The following RAP1A variants were observed in gnomAD, a reference collection of about 807,000 sequenced individuals.
RAP1A encodes the protein RAP1A, member of RAS oncogene family.
Under a neutral mutation model 26.4 loss-of-function variants are expected in RAP1A, and 6 were observed. The ratio of observed to expected loss-of-function variants is 0.23; its 90% CI spans 0.12 to 0.45. The LOEUF (loss-of-function observed/expected upper bound fraction) is 0.45. Ranked by LOEUF, RAP1A falls within the 20% of genes least tolerant of loss-of-function variation. The pLI is 0.99. For missense variants in RAP1A, 121 were observed against 217.2 expected, an observed-to-expected ratio of 0.56 and a Z score of 2.78; for synonymous variants, 73 against 79.4, an observed-to-expected ratio of 0.92 and a Z score of 0.43.
At chr1:111,638,035 C>T (rs2786966) in intron 1 of RAP1A, among the ~76,000 whole-genome samples, 88,332 of 151,514 alleles carry the variant, frequency 0.58, 25,950 homozygotes, top group Middle Eastern at 0.67. Context: ...TAGCCTTTTC[C>T]TGTATATATC....
chr1:111,691,247 A>T, intron 1 of RAP1A, 87 bp from the exon 2 acceptor site: 1 of 892,966 alleles, frequency 1.1e-6, no homozygotes, highest in Non-Finnish European at 1.6e-6. Context: ...AAAAAAACAA[A>T]ACAAACTCCT....
At chr1:111,598,672 T>C (rs1205600096) in intron 1 of RAP1A, among the ~76,000 whole-genome samples, 1 of 152,146 alleles carries the variant, frequency 6.6e-6, no homozygotes. Context: ...CAGAAGTCTG[T>C]GTGACCACAG....
At position 111,598,071 on chromosome 1, in the gene RAP1A, C is replaced by G. The variant is rs111255436; in HGVS notation, c.-28+55562C>G. On this transcript the variant is annotated intron_variant, in intron 1 of 7. Coordinates refer to the RAP1A transcript ENST00000356415. ...AACTATCCTATGATGTAATCATCCT[C>G]CTTTTTCAGACAAGGCTCACAGTGG... Among the ~76,000 whole-genome samples, 1,450 of 152,304 alleles carry G rather than the reference C, an allele frequency of 9.5e-3. 27 individuals are homozygous for G. Among genetic ancestry groups the G allele is most frequent in the African/African-American group, 0.033 (1,381 of 41,554 alleles).
chr1:111,547,372 TTAATA>T (rs1657071616), intron 1 of RAP1A, among the ~76,000 whole-genome samples: 2 of 152,256 alleles, frequency 1.3e-5, no homozygotes, highest in South Asian at 4.1e-4. Context: ...CTTTATCCTA[TTAATA>T]TTATATTGAT....
intron 1 of RAP1A, among the ~76,000 whole-genome samples, chr1:111,684,603 C>T (rs995502532): frequency 1.3e-5 from 2 of 152,110 alleles, no homozygotes; most frequent in Non-Finnish European, 2.9e-5. Context: ...TCAAGGAGAA[C>T]TACAAACCGC....
rs1658119856 is a variant in RAP1A, at chr1:111,575,129, T to A, written c.-28+32620T>A. Among the ~76,000 whole-genome samples, 4 of 152,250 alleles carry A rather than the reference T, an allele frequency of 2.6e-5. No individual in the cohort carries two copies. The South Asian group carries it at 8.3e-4, about 32-fold the overall frequency. ...ACTACCTGTATGACATTACCTAAGT[T>A]ACTGAATTTCTTTCTTTCTTTCTTT... On this transcript the variant is annotated intron_variant, in intron 1 of 7. Coordinates refer to the RAP1A transcript ENST00000356415.
At chr1:111,683,477 G>T (rs1182800620) in intron 1 of RAP1A, among the ~76,000 whole-genome samples, 1 of 151,892 alleles carries the variant, frequency 6.6e-6, no homozygotes, top group Non-Finnish European at 1.5e-5. Flanking sequence ...AGTGATAAAG[G>T]GGATATCACC....
intron 1 of RAP1A, among the ~76,000 whole-genome samples, chr1:111,576,625 G>C (rs141904177): frequency 6.6e-6 from 1 of 152,314 alleles, no homozygotes; most frequent in South Asian, 2.1e-4. Flanking sequence ...GGCATTTGCT[G>C]CTCCTCTGGA....
intron 1 of RAP1A, among the ~76,000 whole-genome samples, chr1:111,627,937 C>CAA (rs148865042): frequency 2.4e-4 from 35 of 148,076 alleles, no homozygotes; most frequent in Admixed American, 6.7e-4. Context: ...TTTGAAAAAA[C>CAA]AAAAAAAAAA....
intron 1 of RAP1A, among the ~76,000 whole-genome samples, chr1:111,653,349 C>G (rs1382205297): frequency 6.6e-6 from 1 of 151,944 alleles, no homozygotes; most frequent in Non-Finnish European, 1.5e-5. Flanking sequence ...GTTATAACAG[C>G]CTTGTGAATA....
At chr1:111,640,394 A>AT (rs1571518664) in intron 1 of RAP1A, among the ~76,000 whole-genome samples, 2 of 152,312 alleles carry the variant, frequency 1.3e-5, no homozygotes, top group East Asian at 3.9e-4. Flanking sequence ...TTCCTCACTA[A>AT]ATATTGTGAT....
intron 1 of RAP1A, among the ~76,000 whole-genome samples, chr1:111,606,741 C>T (rs1365252498): frequency 1.3e-5 from 2 of 152,308 alleles, no homozygotes; most frequent in East Asian, 3.9e-4. Flanking sequence ...TAAATTAAGG[C>T]AAGGCTCTGT....
intron 1 of RAP1A, among the ~76,000 whole-genome samples, chr1:111,593,818 T>A (rs1212157831): frequency 2.0e-5 from 3 of 152,004 alleles, no homozygotes; most frequent in Non-Finnish European, 4.4e-5. Context: ...AAAATCCATG[T>A]GTGCAAAGAA....
intron 4 of RAP1A, among the ~76,000 whole-genome samples, chr1:111,698,665 G>A (rs912942089): frequency 6.6e-6 from 1 of 152,062 alleles, no homozygotes; most frequent in Non-Finnish European, 1.5e-5. Context: ...GTTCAAAAAA[G>A]CATGTAAGCA....
Position 111,702,545 on chromosome 1 carries a change from A to G in RAP1A, c.184-791A>G, listed in dbSNP as rs185893734. 1.1e-4 allele frequency among the ~76,000 whole-genome samples: 17 copies of G among 152,270 alleles called. No homozygotes were observed. The East Asian group carries it at 3.3e-3, about 29-fold the overall frequency. ...TTCTAAAGGTTTGGAATGAGGGGGA[A>G]AATGAAAATACATGAACAAGCTCTT... On this transcript the variant is annotated intron_variant, in intron 4 of 7. Coordinates refer to ENST00000369709, the MANE Select transcript of RAP1A (RefSeq NM_002884.4).
intron 1 of RAP1A, chr1:111,599,897 G>A (rs554651926): frequency 1.3e-5 from 2 of 152,238 alleles, no homozygotes; most frequent in East Asian, 3.9e-4. Flanking sequence ...CATTCCCTTG[G>A]TGATGAGTGA....
intron 1 of RAP1A, among the ~76,000 whole-genome samples, chr1:111,647,879 G>A (rs1330789659): frequency 6.6e-6 from 1 of 152,060 alleles, no homozygotes; most frequent in Non-Finnish European, 1.5e-5. Flanking sequence ...CTTTTAGAAT[G>A]TTTAGTCATA....
At chr1:111,677,701 C>G (rs1661170752) in intron 1 of RAP1A, among the ~76,000 whole-genome samples, 1 of 152,166 alleles carries the variant, frequency 6.6e-6, no homozygotes, top group Admixed American at 6.5e-5. Context: ...TCTCTCAGAG[C>G]AAATGATCCA....
intron 2 of RAP1A, 138 bp from the exon 3 acceptor site, chr1:111,695,203 T>TTAA (rs200705780): frequency 3.0e-6 from 1 of 329,466 alleles, no homozygotes; most frequent in Admixed American, 9.4e-5. Flanking sequence ...ATTGAAAGAA[T>TTAA]TAATAATATA....
Sources: allele counts gnomAD v4.1 joint callset (sites outside exome capture counted in the v4.1 genomes callset), GRCh38; gene constraint gnomAD v4.1.1; transcripts MANE v1.5; gene names NCBI Gene and HGNC (gene_info 2026-07-23, HGNC 2026-07-21).